The following TBC1D22A variants were observed in gnomAD, a reference collection of about 807,000 sequenced individuals.
TBC1D22A encodes the protein TBC1 domain family member 22A.
A neutral mutation model predicts 60.2 loss-of-function variants in TBC1D22A; 38 were observed. The observed-to-expected ratio is 0.63, with a 90% confidence interval of 0.49 to 0.83. The LOEUF (loss-of-function observed/expected upper bound fraction) is 0.83. Among genes scored for constraint, TBC1D22A ranks in the 40% least tolerant of loss-of-function variants. TBC1D22A has a pLI of 0.00. For missense variants in TBC1D22A, 628 were observed against 701.0 expected (o/e 0.90, Z 1.18); for synonymous variants, 302 against 281.7 (o/e 1.07, Z -0.72).
intron 10 of TBC1D22A, among the ~76,000 whole-genome samples, chr22:47,015,272 C>G (rs1179392984): frequency 6.6e-6 from 1 of 152,154 alleles, no homozygotes; most frequent in Non-Finnish European, 1.5e-5. Flanking sequence ...CCTGGGGGCG[C>G]CTAGAGGAGT....
intron 4 of TBC1D22A, among the ~76,000 whole-genome samples, chr22:46,839,607 T>G (rs2086666186): frequency 6.6e-6 from 1 of 152,204 alleles, no homozygotes; most frequent in Non-Finnish European, 1.5e-5. Context: ...CTAAAATTCA[T>G]ATAGACCCAC....
chr22:47,065,606 GGTCTC>G (rs1482940068), intron 11 of TBC1D22A, among the ~76,000 whole-genome samples: 9 of 44,704 alleles, frequency 2.0e-4, no homozygotes, highest in Admixed American at 6.1e-4. Context: ...TTTTGCTGTG[GGTCTC>G]CACGAGGACT....
chr22:46,827,518 C>G (rs976967183), intron 4 of TBC1D22A, among the ~76,000 whole-genome samples: 1 of 152,172 alleles, frequency 6.6e-6, no homozygotes, highest in African/African-American at 2.4e-5. Context: ...TTTGAACATG[C>G]GTGTACCAAA....
intron 11 of TBC1D22A, among the ~76,000 whole-genome samples, chr22:47,056,302 C>A (rs1341872580): frequency 1.3e-5 from 2 of 152,014 alleles, no homozygotes; most frequent in Non-Finnish European, 2.9e-5. Flanking sequence ...TTAAAGGAAT[C>A]TCCTCCGGCC....
At chr22:46,852,596 C>G (rs2087339598) in intron 4 of TBC1D22A, among the ~76,000 whole-genome samples, 1 of 152,192 alleles carries the variant, frequency 6.6e-6, no homozygotes, top group Non-Finnish European at 1.5e-5. Flanking sequence ...GTTCTTGGTT[C>G]CAGCTCCACG....
intron 8 of TBC1D22A, among the ~76,000 whole-genome samples, chr22:46,940,349 T>TAC (rs2071912981): frequency 6.6e-6 from 1 of 151,788 alleles, no homozygotes; most frequent in Admixed American, 6.6e-5. Flanking sequence ...TATATATATA[T>TAC]ACACACAGTC....
intron 7 of TBC1D22A, among the ~76,000 whole-genome samples, chr22:46,911,743 C>T (rs1317026221): frequency 6.6e-6 from 1 of 151,834 alleles, no homozygotes; most frequent in Non-Finnish European, 1.5e-5. Context: ...CGTGGCGAAA[C>T]CCTGTGTGTA....
intron 1 of TBC1D22A, among the ~76,000 whole-genome samples, chr22:46,772,098 C>G (rs2083501341): frequency 7.6e-6 from 1 of 132,260 alleles, no homozygotes; most frequent in African/African-American, 2.9e-5. Flanking sequence ...TGTATACACA[C>G]ATATACATAT....
At chr22:47,137,530 A>C (rs1197448641) in intron 12 of TBC1D22A, among the ~76,000 whole-genome samples, 1 of 152,066 alleles carries the variant, frequency 6.6e-6, no homozygotes, top group Non-Finnish European at 1.5e-5. Flanking sequence ...CCCTGACTGC[A>C]GGGGTGCTGG....
At chr22:47,015,420 A>AG (rs1341273778) in intron 10 of TBC1D22A, among the ~76,000 whole-genome samples, 4 of 152,156 alleles carry the variant, frequency 2.6e-5, no homozygotes, top group African/African-American at 9.7e-5. Flanking sequence ...TAGAGGTGTG[A>AG]GGGGGCCACG....
At chr22:47,066,294 C>T (rs1351901970) in intron 11 of TBC1D22A, among the ~76,000 whole-genome samples, 1 of 152,202 alleles carries the variant, frequency 6.6e-6, no homozygotes, top group East Asian at 1.9e-4. Flanking sequence ...GTGGTGCTGC[C>T]TGAATCCTGA....
chr22:47,141,237 G>C (rs1398734876), intron 12 of TBC1D22A, among the ~76,000 whole-genome samples: 1 of 152,142 alleles, frequency 6.6e-6, no homozygotes, highest in Non-Finnish European at 1.5e-5. Flanking sequence ...GTGACCTCCT[G>C]CCGGGCCCCT....
chr22:46,845,885 A>G (rs2086967325), intron 4 of TBC1D22A, among the ~76,000 whole-genome samples: 1 of 152,226 alleles, frequency 6.6e-6, no homozygotes, highest in African/African-American at 2.4e-5. Flanking sequence ...GCCCTCAGGA[A>G]GGAACCGCGG....
chr22:47,140,565 A>AG (rs1351164937), intron 12 of TBC1D22A, among the ~76,000 whole-genome samples: 1 of 151,636 alleles, frequency 6.6e-6, no homozygotes, highest in African/African-American at 2.4e-5. Flanking sequence ...AAAAAAAAAA[A>AG]AAAAGAAAGA....
intron 7 of TBC1D22A, among the ~76,000 whole-genome samples, chr22:46,904,411 G>A (rs765155644): frequency 2.0e-5 from 3 of 152,024 alleles, no homozygotes; most frequent in African/African-American, 7.3e-5. Context: ...AATACCATCC[G>A]AGTGTGCTCT....
intron 8 of TBC1D22A, among the ~76,000 whole-genome samples, chr22:46,968,367 G>A (rs895286656): frequency 7.2e-5 from 11 of 152,236 alleles, no homozygotes; most frequent in Admixed American, 6.5e-4. Context: ...CCTGCGCAGC[G>A]TGGCATGGAC....
Position 46,762,728 on chromosome 22 carries a change from G to C in TBC1D22A, c.-59G>C, listed in dbSNP as rs1456375204. 3.6e-6 allele frequency: 5 copies of C among 1,374,082 alleles called. No homozygotes were observed. Among genetic ancestry groups the C allele is most frequent in the Non-Finnish European group, 4.7e-6 (5 of 1,058,744 alleles). The allele number at this position is 1,374,082 out of a possible 1,614,324, so 85.1% of individuals were successfully genotyped here. On this transcript the variant is annotated 5_prime_UTR_variant, in exon 1 of 13. Transcript: ENST00000337137. ...CCGGGGCACAGGAAAGGGCCGCTAG[G>C]GGAGGGCCGGGTGCACTCGGGGTGT...
chr22:47,122,000 A>G lies in TBC1D22A; in HGVS notation c.1425+10397A>G, dbSNP rs1051406692. On this transcript the variant is annotated intron_variant, in intron 12 of 12. Coordinates refer to ENST00000337137, the MANE Select transcript of TBC1D22A (RefSeq NM_014346.5). Reference sequence around the variant, plus strand: ...ATGTCCATCCCTCAGATGTCCCCTCAGCTCGCTGACATGCACATGTGCAAA... The same window carrying G: ...ATGTCCATCCCTCAGATGTCCCCTCGGCTCGCTGACATGCACATGTGCAAA... Among the ~76,000 whole-genome samples the G allele has an allele frequency of 5.9e-5, 9 of 152,168 alleles. 1 individual carries two copies. The highest frequency in any genetic ancestry group is 4.1e-4 in the South Asian group (2 of 4,826).
intron 11 of TBC1D22A, among the ~76,000 whole-genome samples, chr22:47,062,253 C>T (rs530594590): frequency 6.6e-6 from 1 of 152,244 alleles, no homozygotes; most frequent in Non-Finnish European, 1.5e-5. Context: ...CATTCTCAGG[C>T]CCTACCCAGG....
Sources: allele counts gnomAD v4.1 joint callset (sites outside exome capture counted in the v4.1 genomes callset), GRCh38; gene constraint gnomAD v4.1.1; transcripts MANE v1.5; gene names NCBI Gene and HGNC (gene_info 2026-07-23, HGNC 2026-07-21).